GNAL: variants seen among roughly 807,000 people sequenced by gnomAD.
GNAL encodes G protein subunit alpha L.
Under a neutral mutation model 55.1 loss-of-function variants are expected in GNAL, and 18 were observed. The observed-to-expected ratio is 0.33, with a 90% CI of 0.23 to 0.48. The LOEUF (loss-of-function observed/expected upper bound fraction) is 0.48, where lower values mean the gene tolerates loss of function less well. Ranked by LOEUF, GNAL falls within the 20% of genes least tolerant of loss-of-function variation. The probability of loss-of-function intolerance (pLI) is 0.99; values close to 1 mark genes in which losing one functional copy is unlikely to be tolerated. For synonymous variants in GNAL, 253 were observed against 237.0 expected, an observed-to-expected ratio of 1.07 and a Z score of -0.62; for missense variants, 412 against 614.1, an observed-to-expected ratio of 0.67 and a Z score of 3.48.
chr18:11,829,578 C>G (rs2035330484), intron 5 of GNAL, among the ~76,000 whole-genome samples: 2 of 152,202 alleles, frequency 1.3e-5, no homozygotes, highest in Non-Finnish European at 2.9e-5. Context: ...GGACATGTCT[C>G]AGACCACAGT....
chr18:11,802,136 A>G (rs2034537180), intron 4 of GNAL, among the ~76,000 whole-genome samples: 1 of 152,096 alleles, frequency 6.6e-6, no homozygotes, highest in Admixed American at 6.5e-5. Flanking sequence ...TTATATTTAG[A>G]GTCAAGTTAG....
At chr18:11,766,473 G>GC (rs2033409718) in intron 4 of GNAL, among the ~76,000 whole-genome samples, 1 of 152,156 alleles carries the variant, frequency 6.6e-6, no homozygotes, top group South Asian at 2.1e-4. Context: ...CTCCTGCCCA[G>GC]CACCCCCAGA....
intron 5 of GNAL, among the ~76,000 whole-genome samples, chr18:11,854,996 C>T (rs1165897185): frequency 6.6e-6 from 1 of 152,194 alleles, no homozygotes; most frequent in African/African-American, 2.4e-5. Flanking sequence ...TCTCGGCTCA[C>T]TGCTGCCTCC....
chr18:11,768,963 A>T (rs1485232736), intron 4 of GNAL, among the ~76,000 whole-genome samples: 7 of 101,810 alleles, frequency 6.9e-5, no homozygotes, highest in Non-Finnish European at 1.0e-4. Context: ...TGTTATATAT[A>T]ATATATTATA....
chr18:11,770,747 T>C lies in GNAL; in HGVS notation c.624+16802T>C, dbSNP rs55817032. ...CCTTAAATAATCTAAATTTTAGATA[T>C]TATGTAAGTGTTCTAATACTTTACA... On this transcript the variant is annotated intron_variant, in intron 4 of 11. Coordinates refer to ENST00000334049, the MANE Select transcript of GNAL (RefSeq NM_182978.4). 3.2e-3 allele frequency among the ~76,000 whole-genome samples: 485 copies of C among 152,328 alleles called. 2 individuals carry two copies. Among genetic ancestry groups the C allele is most frequent in the Non-Finnish European group, 5.4e-3 (370 of 68,032 alleles).
chr18:11,861,963 T>TACAC (rs56087854), intron 5 of GNAL, among the ~76,000 whole-genome samples: 25,416 of 147,782 alleles, frequency 0.17, 2,269 homozygotes, highest in South Asian at 0.26. Flanking sequence ...CACGCAGTCA[T>TACAC]ACACACACAC....
At chr18:11,814,328 C>T (rs1467943552) in intron 4 of GNAL, among the ~76,000 whole-genome samples, 1 of 152,086 alleles carries the variant, frequency 6.6e-6, no homozygotes, top group Non-Finnish European at 1.5e-5. Flanking sequence ...AGTTCGAGAC[C>T]AGTCTGACCA....
intron 4 of GNAL, among the ~76,000 whole-genome samples, chr18:11,773,749 G>A (rs190854496): frequency 6.6e-6 from 1 of 152,310 alleles, no homozygotes; most frequent in Non-Finnish European, 1.5e-5. Flanking sequence ...GCAGCACTGT[G>A]CTCTAGCCTG....
intron 1 of GNAL, among the ~76,000 whole-genome samples, chr18:11,697,037 G>A (rs1357973071): frequency 6.6e-6 from 1 of 152,150 alleles, no homozygotes; most frequent in East Asian, 1.9e-4. Context: ...AATCCCACTG[G>A]CTTATTGACA....
At chr18:11,760,795 G>A (rs535578803) in intron 4 of GNAL, among the ~76,000 whole-genome samples, 17 of 152,242 alleles carry the variant, frequency 1.1e-4, no homozygotes, top group Admixed American at 2.6e-4. Flanking sequence ...GGGTCTTAAG[G>A]GGAGGTGTGG....
rs1038651963 is a variant in GNAL, at chr18:11,828,665, A to G, written c.722+3650A>G. Among the ~76,000 whole-genome samples the G allele has an allele frequency of 3.3e-5, 5 of 152,128 alleles. No individual in the cohort carries two copies. In the East Asian group the frequency reaches 9.7e-4, roughly 29 times the overall value. On this transcript the variant is annotated intron_variant, in intron 5 of 11. Coordinates refer to ENST00000334049, the MANE Select transcript of GNAL (RefSeq NM_182978.4). ...ACATTAGAAATTTTTCTGTTGTAAA[A>G]AAAAAAAATGGACAAGTTATTCCTG...
At chr18:11,744,178 C>T (rs1357001082) in intron 1 of GNAL, among the ~76,000 whole-genome samples, 2 of 152,122 alleles carry the variant, frequency 1.3e-5, no homozygotes, top group Non-Finnish European at 2.9e-5. Flanking sequence ...ACTTTTCCTA[C>T]TGATTCAGTG....
At chr18:11,741,993 C>A (rs1481998548) in intron 1 of GNAL, among the ~76,000 whole-genome samples, 1 of 152,234 alleles carries the variant, frequency 6.6e-6, no homozygotes, top group Non-Finnish European at 1.5e-5. Flanking sequence ...TCCTCCCAAA[C>A]TGAATCTCTG....
At chr18:11,740,930 T>C (rs190830480) in intron 1 of GNAL, among the ~76,000 whole-genome samples, 5 of 152,370 alleles carry the variant, frequency 3.3e-5, no homozygotes, top group East Asian at 3.9e-4. Flanking sequence ...CCAGCTTCTC[T>C]GAGAAAGGCT....
intron 5 of GNAL, chr18:11,853,747 ATC>A (rs2143797083): frequency 6.1e-6 from 1 of 164,976 alleles, no homozygotes; most frequent in East Asian, 1.9e-4. Context: ...TCTGCCCAGC[ATC>A]TCTCAAGAAT....
intron 1 of GNAL, among the ~76,000 whole-genome samples, chr18:11,721,047 GGTTCTTCTCTTCCAGAAAAGT>G: frequency 6.6e-6 from 1 of 152,292 alleles, no homozygotes; most frequent in East Asian, 1.9e-4. Flanking sequence ...GATTGTCAAA[GGTTCTTCTCTTCCAGAAAAGT>G]GTTCATCTCA....
chr18:11,766,542 G>A (rs1363809135), intron 4 of GNAL, among the ~76,000 whole-genome samples: 7 of 152,176 alleles, frequency 4.6e-5, no homozygotes, highest in African/African-American at 1.2e-4. Flanking sequence ...AACTGACTTC[G>A]AGTCCCCAAA....
rs2036685978 is a variant in GNAL at position 11,881,330 on chromosome 18, C to A, written c.*195C>A. 2.9e-5 allele frequency: 14 copies of A among 482,896 alleles called. No homozygotes were observed. Among genetic ancestry groups the A allele is most frequent in the Admixed American group, 2.1e-4 (6 of 28,932 alleles). The allele number at this position is 482,896 out of a possible 1,614,324, so 29.9% of individuals were successfully genotyped here. On this transcript the variant is annotated 3_prime_UTR_variant, in exon 12 of 12. Coordinates refer to ENST00000334049, the MANE Select transcript of GNAL (RefSeq NM_182978.4). The surrounding 1 kb of genome is among the most constrained non-coding windows in gnomAD (Gnocchi z 4.8). Reference sequence around the variant, plus strand: ...CTTCTGTTGTCATTGAATACGGCCTCCCGCAGCATCCCACCCCCAAACCAC... The same window carrying A: ...CTTCTGTTGTCATTGAATACGGCCTACCGCAGCATCCCACCCCCAAACCAC...
At chr18:11,825,845 T>C (rs2035230420) in intron 5 of GNAL, among the ~76,000 whole-genome samples, 1 of 152,072 alleles carries the variant, frequency 6.6e-6, no homozygotes, top group Non-Finnish European at 1.5e-5. Flanking sequence ...ATTCTATTGC[T>C]ATTAGAAAAT....
Sources: allele counts gnomAD v4.1 joint callset (sites outside exome capture counted in the v4.1 genomes callset), GRCh38; gene constraint gnomAD v4.1.1; non-coding constraint Gnocchi (gnomAD v3.1); transcripts MANE v1.5; gene names NCBI Gene and HGNC (gene_info 2026-07-23, HGNC 2026-07-21).